The following SLCO5A1 variants were observed in gnomAD, a reference collection of about 807,000 sequenced individuals.
The protein encoded by SLCO5A1 is solute carrier organic anion transporter family member 5A1, also known as organic anion transporter polypeptide-related protein 4.
In SLCO5A1, 39 loss-of-function variants were observed where a neutral mutation model predicts 65.1. The observed-to-expected ratio is 0.60, with a 90% CI of 0.46 to 0.78. SLCO5A1 has a LOEUF of 0.78. SLCO5A1 is among the 30% of genes least tolerant of loss of function. The pLI is 0.00. For synonymous variants in SLCO5A1, 438 were observed against 415.7 expected (o/e 1.05, Z -0.65); for missense variants, 1,029 against 1,069.4 (o/e 0.96, Z 0.53).
At chr8:69,749,345 G>A (rs1403092858) in intron 4 of SLCO5A1, among the ~76,000 whole-genome samples, 10 of 152,222 alleles carry the variant, frequency 6.6e-5, no homozygotes, top group Middle Eastern at 3.4e-3. Flanking sequence ...TTCACCGGGC[G>A]CAGTGGCTCA....
Position 69,670,153 on chromosome 8 carries a change from T to C in SLCO5A1, c.*2716A>G, listed in dbSNP as rs1385354515. The C allele has an allele frequency of 6.6e-6, 1 of 152,228 alleles. No individual in the cohort carries two copies. Among genetic ancestry groups the C allele is most frequent in the Non-Finnish European group, 1.5e-5 (1 of 68,038 alleles). The allele number at this position is 152,228 out of a possible 1,614,324, so 9.4% of individuals were successfully genotyped here. ...ATTGTATTTGCATATTAAAGCTAAA[T>C]AATATATGAATTTACAGTTTATAAA... On this transcript the variant is annotated 3_prime_UTR_variant, in exon 10 of 10. Transcript: ENST00000260126.
chr8:69,678,669 C>A (rs1271137104), intron 8 of SLCO5A1, among the ~76,000 whole-genome samples: 1 of 152,042 alleles, frequency 6.6e-6, no homozygotes, highest in East Asian at 1.9e-4. Context: ...AAAAAAATAG[C>A]AGCCCGACCA....
chr8:69,771,611 T>C (rs1422147998), intron 2 of SLCO5A1, among the ~76,000 whole-genome samples: 2 of 152,340 alleles, frequency 1.3e-5, no homozygotes, highest in African/African-American at 4.8e-5. Flanking sequence ...TGGTGCATAT[T>C]TTGTGATCAG....
At chr8:69,798,774 A>G (rs1819610657) in intron 2 of SLCO5A1, among the ~76,000 whole-genome samples, 1 of 152,254 alleles carries the variant, frequency 6.6e-6, no homozygotes, top group Non-Finnish European at 1.5e-5. Context: ...GAGGAGGAAC[A>G]CGAGGTGGAT....
chr8:69,721,365 A>G (rs1010930292), intron 5 of SLCO5A1, among the ~76,000 whole-genome samples: 2 of 152,184 alleles, frequency 1.3e-5, no homozygotes, highest in African/African-American at 4.8e-5. Flanking sequence ...AAAAGTATAT[A>G]ATCCTAAATT....
intron 2 of SLCO5A1, among the ~76,000 whole-genome samples, chr8:69,829,898 A>G (rs1376602935): frequency 2.0e-5 from 3 of 152,226 alleles, no homozygotes; most frequent in Non-Finnish European, 2.9e-5. Flanking sequence ...ATTTCTATAC[A>G]TATATACACT....
At chr8:69,789,958 T>G (rs949660470) in intron 2 of SLCO5A1, among the ~76,000 whole-genome samples, 5 of 152,014 alleles carry the variant, frequency 3.3e-5, no homozygotes. Flanking sequence ...TTTGGGAGGC[T>G]GAGGCGGGTG....
intron 5 of SLCO5A1, among the ~76,000 whole-genome samples, chr8:69,722,442 A>G (rs1361852409): frequency 1.3e-5 from 2 of 152,240 alleles, no homozygotes; most frequent in Non-Finnish European, 2.9e-5. Context: ...GGAGTACTTC[A>G]AGTCTTGAAG....
intron 2 of SLCO5A1, among the ~76,000 whole-genome samples, chr8:69,789,408 T>C (rs951342878): frequency 6.6e-6 from 1 of 152,196 alleles, no homozygotes; most frequent in Admixed American, 6.5e-5. Flanking sequence ...AGAAGTGTTA[T>C]CTCCCTTGAG....
In SLCO5A1 at chr8:69,706,375, A is replaced by C. The variant is rs74480750; in HGVS notation, c.1424-1146T>G. Reference sequence around the variant, plus strand: ...GGAGGTTCCTCTGGTGCTGAAAAATACTTCATGCCATGACCTGGGTAATAG... The same window carrying C: ...GGAGGTTCCTCTGGTGCTGAAAAATCCTTCATGCCATGACCTGGGTAATAG... On this transcript the variant is annotated intron_variant, in intron 5 of 9. Transcript: ENST00000260126. 6.5e-3 allele frequency among the ~76,000 whole-genome samples: 985 copies of C among 152,304 alleles called. 6 individuals carry two copies. Among genetic ancestry groups the C allele is most frequent in the Middle Eastern group, 0.017 (5 of 294 alleles).
chr8:69,705,183 G>T lies in SLCO5A1; in HGVS notation c.1470C>A (p.Gly490=). Reference sequence around the variant, plus strand: ...CAAGTTTCAATTTTTTTATAATGTAGCCTCCGAGGACAATACCAACACCAG... The same window carrying T: ...CAAGTTTCAATTTTTTTATAATGTATCCTCCGAGGACAATACCAACACCAG... ...PSAGVGIVLG[G]YIIKKLKLGA... is the part of the protein sequence containing the mutation. Residue 490 remains glycine, a synonymous_variant, in exon 6 of 10, where the codon GGC becomes GGA. Transcript: ENST00000260126. 1.2e-6 allele frequency: 2 copies of T among 1,614,108 alleles called. No homozygotes were observed. The highest frequency in any genetic ancestry group is 1.7e-6 in the Non-Finnish European group (2 of 1,180,038).
At chr8:69,691,937 T>A (rs1202479297) in intron 6 of SLCO5A1, among the ~76,000 whole-genome samples, 1 of 152,060 alleles carries the variant, frequency 6.6e-6, no homozygotes, top group East Asian at 1.9e-4. Flanking sequence ...TGTCTAAACA[T>A]AGGAAAAGTA....
chr8:69,688,941 T>C (rs188171744), intron 6 of SLCO5A1, among the ~76,000 whole-genome samples: 2 of 151,952 alleles, frequency 1.3e-5, no homozygotes, highest in Non-Finnish European at 2.9e-5. Flanking sequence ...TGAACTAGTT[T>C]ACAGTCCCAC....
At chr8:69,712,360 G>T (rs1171834075) in intron 5 of SLCO5A1, among the ~76,000 whole-genome samples, 4 of 152,120 alleles carry the variant, frequency 2.6e-5, no homozygotes, top group African/African-American at 9.6e-5. Context: ...GGAGCCAAAG[G>T]GTCTTTATGA....
intron 6 of SLCO5A1, among the ~76,000 whole-genome samples, chr8:69,701,587 T>C (rs1814737908): frequency 6.6e-6 from 1 of 152,226 alleles, no homozygotes. Context: ...CCCAGGTCTT[T>C]AGATAAACTC....
chr8:69,700,495 A>C (rs2130806290), intron 6 of SLCO5A1: 1 of 152,366 alleles, frequency 6.6e-6, no homozygotes, highest in Non-Finnish European at 1.5e-5. Context: ...AAAAATGGCA[A>C]GGAGAAAAAA....
chr8:69,819,588 C>A (rs1265576506), intron 2 of SLCO5A1, among the ~76,000 whole-genome samples: 1 of 152,094 alleles, frequency 6.6e-6, no homozygotes, highest in African/African-American at 2.4e-5. Context: ...TTTACTGAGC[C>A]TCTTTAAAAT....
chr8:69,768,616 G>T (rs1350339039), intron 2 of SLCO5A1, among the ~76,000 whole-genome samples: 1 of 151,792 alleles, frequency 6.6e-6, no homozygotes. Flanking sequence ...CTACCTTCTT[G>T]CTGCGTCCTC....
chr8:69,712,101 G>A (rs1459808696), intron 5 of SLCO5A1, among the ~76,000 whole-genome samples: 1 of 152,142 alleles, frequency 6.6e-6, no homozygotes, highest in Non-Finnish European at 1.5e-5. Context: ...ATATTTAGCA[G>A]CATGTCTTTT....
Sources: gnomAD v4.1 joint callset for allele counts (sites outside exome capture counted in the v4.1 genomes callset) on GRCh38, gnomAD v4.1.1 for gene constraint, MANE v1.5 for transcripts, NCBI Gene and HGNC (gene_info 2026-07-23, HGNC 2026-07-21) for gene names.